The following SLC35B4 variants were observed in gnomAD, a reference collection of about 807,000 sequenced individuals.
SLC35B4 encodes solute carrier family 35 member B4.
In SLC35B4, 28 loss-of-function variants were observed where a neutral mutation model predicts 39.5. The ratio of observed to expected loss-of-function variants is 0.71; its 90% CI spans 0.53 to 0.97. The LOEUF (loss-of-function observed/expected upper bound fraction) is 0.97. SLC35B4 is among the 50% of genes least tolerant of loss of function. The pLI is 0.00. For missense variants in SLC35B4, 334 were observed against 414.3 expected (o/e 0.81, Z 1.68); for synonymous variants, 145 against 150.4 (o/e 0.96, Z 0.26).
At chr7:134,313,198 T>A (rs116045656) in intron 1 of SLC35B4, among the ~76,000 whole-genome samples, 1 of 152,252 alleles carries the variant, frequency 6.6e-6, no homozygotes, top group Non-Finnish European at 1.5e-5. Context: ...AATCTTGTTT[T>A]CTTGAGCTCT....
At chr7:134,302,228 G>T in intron 4 of SLC35B4, 118 bp from the exon 5 acceptor site, 1 of 818,106 alleles carries the variant, frequency 1.2e-6, no homozygotes, top group Non-Finnish European at 1.9e-6. Context: ...ATGACAGACA[G>T]GATTACTTTC....
intron 1 of SLC35B4, among the ~76,000 whole-genome samples, chr7:134,314,240 C>A (rs919608092): frequency 6.6e-6 from 1 of 151,844 alleles, no homozygotes; most frequent in Admixed American, 6.6e-5. Context: ...AATGGGAAGC[C>A]CTACAAGTGT....
chr7:134,316,631 G>T, intron 1 of SLC35B4, 44 bp downstream of exon 1: 1 of 1,541,874 alleles, frequency 6.5e-7, no homozygotes, highest in Non-Finnish European at 8.8e-7. Context: ...GGCTTCCTCC[G>T]CCCCGCCCCG....
intron 4 of SLC35B4, 31 bp downstream of exon 4, chr7:134,304,774 C>A (rs754738631): frequency 6.5e-7 from 1 of 1,542,884 alleles, no homozygotes; most frequent in East Asian, 2.3e-5. Context: ...GTATCATTTC[C>A]ATACACAAAA....
chr7:134,295,164 A>G, intron 9 of SLC35B4, 85 bp from the exon 10 acceptor site: 4 of 1,522,752 alleles, frequency 2.6e-6, no homozygotes, highest in Non-Finnish European at 3.5e-6. Flanking sequence ...CCCTGGTTTA[A>G]CTTCTCATAT....
intron 8 of SLC35B4, 173 bp downstream of exon 8, chr7:134,299,350 C>A: frequency 1.4e-5 from 7 of 510,450 alleles, no homozygotes; most frequent in South Asian, 9.9e-5. Context: ...AATTGAGAAA[C>A]CCCTGTAAAA....
At chr7:134,301,864 C>T (rs373822153) in intron 5 of SLC35B4, 43 bp from the exon 6 acceptor site, 33 of 1,579,608 alleles carry the variant, frequency 2.1e-5, no homozygotes, top group African/African-American at 4.0e-5. Context: ...AGCAGAACTA[C>T]GTGCAAGGTG....
intron 6 of SLC35B4, 77 bp downstream of exon 6, chr7:134,301,684 G>A: frequency 7.3e-7 from 1 of 1,370,022 alleles, no homozygotes; most frequent in Non-Finnish European, 1.0e-6. Context: ...TTCTTGCCAA[G>A]AAACATTTCT....
intron 2 of SLC35B4, among the ~76,000 whole-genome samples, chr7:134,308,199 C>T (rs1203405829): frequency 6.6e-6 from 1 of 152,124 alleles, no homozygotes; most frequent in African/African-American, 2.4e-5. Flanking sequence ...TTCAGAACAT[C>T]GTGGTAACCA....
At chr7:134,301,554 G>A (rs1803581858) in intron 6 of SLC35B4, among the ~76,000 whole-genome samples, 1 of 152,176 alleles carries the variant, frequency 6.6e-6, no homozygotes, top group Non-Finnish European at 1.5e-5. Flanking sequence ...GATCCATGTT[G>A]TAGAACATAC....
intron 7 of SLC35B4, among the ~76,000 whole-genome samples, 179 bp from the exon 8 acceptor site, chr7:134,299,777 A>G (rs1803538227): frequency 6.6e-6 from 1 of 152,232 alleles, no homozygotes; most frequent in Non-Finnish European, 1.5e-5. Flanking sequence ...ATGGCAGGAT[A>G]TTAACCCCCA....
upstream of SLC35B4, among the ~76,000 whole-genome samples, chr7:134,317,428 G>C (rs1239248920): frequency 6.6e-6 from 1 of 152,182 alleles, no homozygotes; most frequent in Admixed American, 6.5e-5. Context: ...GAGCTTTAAA[G>C]ATGACTGATA....
intron 1 of SLC35B4, among the ~76,000 whole-genome samples, chr7:134,315,211 C>A (rs773475675): frequency 2.0e-5 from 3 of 152,112 alleles, no homozygotes; most frequent in Non-Finnish European, 4.4e-5. Context: ...ATCTTGGGTC[C>A]CATTTCTGGC....
chr7:134,303,837 G>A (rs1803647235), intron 4 of SLC35B4, among the ~76,000 whole-genome samples: 1 of 152,094 alleles, frequency 6.6e-6, no homozygotes, highest in Non-Finnish European at 1.5e-5. Context: ...GTGAACCTCA[G>A]AATGAAGGTG....
rs1043403028 is a variant in SLC35B4, at chr7:134,316,827, C to G, written c.-76G>C. On this transcript the variant is annotated 5_prime_UTR_variant, in exon 1 of 10. Coordinates refer to ENST00000378509, the MANE Select transcript of SLC35B4 (RefSeq NM_032826.5). ...ACCGCTACCCCAGGAAGCCGGCCTCCTGCCTCTTCGCTGCGCAGCACATCG... is the reference window on the plus strand; with the variant it reads ...ACCGCTACCCCAGGAAGCCGGCCTCGTGCCTCTTCGCTGCGCAGCACATCG... 1.4e-6 allele frequency: 2 copies of G among 1,424,424 alleles called. No homozygotes were observed. Among genetic ancestry groups the G allele is most frequent in the Non-Finnish European group, 1.9e-6 (2 of 1,042,270 alleles). The allele number at this position is 1,424,424 out of a possible 1,614,324, so 88.2% of individuals were successfully genotyped here.
At position 134,292,584 on chromosome 7, in the gene SLC35B4, T is replaced by C. The variant is rs956528935; in HGVS notation, c.*2249A>G. The C allele has an allele frequency of 6.6e-6, 1 of 152,150 alleles. No homozygotes were observed. Among genetic ancestry groups the C allele is most frequent in the African/African-American group, 2.4e-5 (1 of 41,422 alleles). 9.4% of individuals were successfully genotyped at this position (152,150 alleles called of 1,614,324 possible). On this transcript the variant is annotated 3_prime_UTR_variant, in exon 10 of 10. Transcript: ENST00000378509. ...TTGTAATGTTTTCATCAACATAAAA[T>C]GGGTGACATTATGTATGTGAGGCTG...
chr7:134,294,643 G>T lies in SLC35B4; in HGVS notation c.*190C>A. 1.6e-6 allele frequency: 1 copy of T among 611,172 alleles called. No individual in the cohort carries two copies. The highest frequency in any genetic ancestry group is 2.8e-6 in the Non-Finnish European group (1 of 356,382). The allele number at this position is 611,172 out of a possible 1,614,324, so 37.9% of individuals were successfully genotyped here. ...GAACTGTTCTTTTTTCTATTTTAGG[G>T]CTGAGGGGTTTCTATTTAGTCTACA... On this transcript the variant is annotated 3_prime_UTR_variant, in exon 10 of 10. Coordinates refer to ENST00000378509, the MANE Select transcript of SLC35B4 (RefSeq NM_032826.5).
chr7:134,310,698 C>T (rs1231325293), intron 1 of SLC35B4, among the ~76,000 whole-genome samples: 1 of 152,064 alleles, frequency 6.6e-6, no homozygotes, highest in African/African-American at 2.4e-5. Flanking sequence ...GTGCCCGCCA[C>T]CAGGCCCGGC....
chr7:134,300,731 G>T (rs986859813), intron 6 of SLC35B4, among the ~76,000 whole-genome samples: 1 of 152,028 alleles, frequency 6.6e-6, no homozygotes, highest in Non-Finnish European at 1.5e-5. Flanking sequence ...CTCATAAGTG[G>T]AATTACTGAG....
Sources: allele counts gnomAD v4.1 joint callset (sites outside exome capture counted in the v4.1 genomes callset), GRCh38; gene constraint gnomAD v4.1.1; transcripts MANE v1.5; gene names NCBI Gene and HGNC (gene_info 2026-07-23, HGNC 2026-07-21).